The following ATXN2 variants were observed in gnomAD, a reference collection of about 807,000 sequenced individuals.
ATXN2 encodes the protein ataxin 2.
ATXN2 carries 37 observed loss-of-function variants against 138.6 expected under a neutral mutation model. The observed-to-expected ratio is 0.27, with a 90% CI of 0.21 to 0.35. ATXN2 has a LOEUF of 0.35. ATXN2 is among the 10% of genes least tolerant of loss of function. The pLI, the probability that ATXN2 is intolerant of heterozygous loss-of-function variation, is 1.00. For synonymous variants in ATXN2, 549 were observed against 543.7 expected, an observed-to-expected ratio of 1.01 and a Z score of -0.13; for missense variants, 1,216 against 1,480.3, an observed-to-expected ratio of 0.82 and a Z score of 2.93.
Position 111,546,654 on chromosome 12 carries a change from G to A in ATXN2, c.571+5626C>T, listed in dbSNP as rs892347484. Reference sequence around the variant, plus strand: ...CAGGAAGAGCAGAAAGAAAATGAAGGAAAAAAATAGAGGAGAAAGGAATAC... The same window carrying A: ...CAGGAAGAGCAGAAAGAAAATGAAGAAAAAAAATAGAGGAGAAAGGAATAC... On this transcript the variant is annotated intron_variant, in intron 5 of 24. Transcript: ENST00000673436. 4.0e-5 allele frequency among the ~76,000 whole-genome samples: 6 copies of A among 151,680 alleles called. No homozygotes were observed. In the South Asian group the frequency reaches 1.3e-3, roughly 32 times the overall value.
chr12:111,516,483 G>T lies in ATXN2; in HGVS notation c.1166-120C>A. On this transcript the variant is annotated intron_variant, in intron 9 of 24. Transcript: ENST00000673436. This position sits in a 1 kb window ranked among gnomAD's most constrained non-coding sequence, Gnocchi z 5.0. ...TTTCTTGTACATTTTAACCCTTTGA[G>T]GACAGTCATTTGATTTGTGATAAGT... The T allele has an allele frequency of 1.1e-6, 1 of 940,120 alleles. No individual in the cohort carries two copies. The highest frequency in any genetic ancestry group is 1.6e-6 in the Non-Finnish European group (1 of 637,758). 58.2% of individuals were successfully genotyped at this position (940,120 alleles called of 1,614,324 possible).
At chr12:111,556,265 G>A (rs978727767) in intron 1 of ATXN2, among the ~76,000 whole-genome samples, 7 of 152,128 alleles carry the variant, frequency 4.6e-5, no homozygotes, top group Non-Finnish European at 1.5e-5. Flanking sequence ...TCTAGTCCTA[G>A]CTACTCAGGA....
intron 1 of ATXN2, among the ~76,000 whole-genome samples, chr12:111,560,902 G>A (rs993582891): frequency 4.6e-5 from 7 of 152,164 alleles, no homozygotes; most frequent in Admixed American, 2.6e-4. Flanking sequence ...TTTTAAGAAC[G>A]AAAGAAAACC....
At chr12:111,554,762 T>C (rs535347989) in intron 2 of ATXN2, among the ~76,000 whole-genome samples, 175 of 152,320 alleles carry the variant, frequency 1.1e-3, no homozygotes, top group Non-Finnish European at 2.0e-3. Flanking sequence ...ATTAACTTGA[T>C]TGTGGTGGTA....
intron 5 of ATXN2, among the ~76,000 whole-genome samples, chr12:111,542,938 G>A (rs1185834194): frequency 6.6e-6 from 1 of 151,848 alleles, no homozygotes; most frequent in African/African-American, 2.4e-5. Context: ...AACATGATAG[G>A]GTAGAGAATT....
At chr12:111,561,028 A>G (rs976829200) in intron 1 of ATXN2, among the ~76,000 whole-genome samples, 1 of 151,266 alleles carries the variant, frequency 6.6e-6, no homozygotes, top group African/African-American at 2.4e-5. Flanking sequence ...AAAAATACAA[A>G]AACAAAATTA....
At chr12:111,484,895 T>C (rs1877526785) in intron 18 of ATXN2, among the ~76,000 whole-genome samples, 1 of 152,078 alleles carries the variant, frequency 6.6e-6, no homozygotes, top group Non-Finnish European at 1.5e-5. Context: ...CATGCCCAGC[T>C]AATTTTTTTG....
intron 5 of ATXN2, among the ~76,000 whole-genome samples, chr12:111,526,694 C>A (rs1218708692): frequency 1.3e-5 from 2 of 152,202 alleles, no homozygotes; most frequent in Non-Finnish European, 2.9e-5. Context: ...TGTGAGCAAC[C>A]ATGCCCGGCC....
At chr12:111,523,972 A>G (rs1566041905) in intron 6 of ATXN2, among the ~76,000 whole-genome samples, 1 of 152,186 alleles carries the variant, frequency 6.6e-6, no homozygotes, top group South Asian at 2.1e-4. Flanking sequence ...GCAAAAATAA[A>G]TTACTAGAGA....
chr12:111,554,426 T>C (rs1292028411), intron 2 of ATXN2, among the ~76,000 whole-genome samples: 2 of 152,208 alleles, frequency 1.3e-5, no homozygotes, highest in African/African-American at 4.8e-5. Context: ...TGTATTTACA[T>C]TTGCATATAA....
rs1884672088 is a variant in ATXN2 at position 111,591,704 on chromosome 12, TA to T, written c.251+7079del. ...CAAATATTGCTTTGGGCAAGTCCCC[TA>T]ATCTCTCAAAGCTTAGAGTTTTTGC... On this transcript the variant is annotated intron_variant, in intron 1 of 24. Coordinates refer to ENST00000673436, the MANE Select transcript of ATXN2 (RefSeq NM_001372574.1). Among the ~76,000 whole-genome samples, 8 of 152,330 alleles carry T rather than the reference TA, an allele frequency of 5.3e-5. No individual in the cohort carries two copies. The South Asian group carries it at 1.5e-3, about 28-fold the overall frequency.
chr12:111,485,880 A>G lies in ATXN2; in HGVS notation c.2305-15T>C. On this transcript the variant is annotated splice_polypyrimidine_tract_variant and intron_variant, in intron 16 of 24. Transcript: ENST00000673436. ...GAAGGCTTTGGCTACAAAAACAACA[A>G]TAAATTCAATTATCTCAAGGTAACA... 1 of 1,612,398 alleles carries G rather than the reference A, an allele frequency of 6.2e-7. No homozygotes were observed. The highest frequency in any genetic ancestry group is 8.5e-7 in the Non-Finnish European group (1 of 1,179,006).
intron 5 of ATXN2, among the ~76,000 whole-genome samples, chr12:111,538,398 T>C (rs1442807421): frequency 6.6e-6 from 1 of 152,078 alleles, no homozygotes; most frequent in Non-Finnish European, 1.5e-5. Context: ...CCTTTTTTTT[T>C]TTGAAACCAG....
At chr12:111,531,138 G>A (rs764968426) in intron 5 of ATXN2, among the ~76,000 whole-genome samples, 11 of 152,062 alleles carry the variant, frequency 7.2e-5, no homozygotes, top group Non-Finnish European at 1.6e-4. Context: ...CAACAGGCTG[G>A]GCACAGTGGC....
intron 14 of ATXN2, among the ~76,000 whole-genome samples, chr12:111,508,030 C>G (rs55913981): frequency 6.6e-6 from 1 of 152,124 alleles, no homozygotes; most frequent in African/African-American, 2.4e-5. Flanking sequence ...TGCGGAAGGC[C>G]GCAGGGTCCT....
At chr12:111,574,815 A>G (rs1471396092) in intron 1 of ATXN2, among the ~76,000 whole-genome samples, 2 of 152,210 alleles carry the variant, frequency 1.3e-5, no homozygotes, top group Non-Finnish European at 2.9e-5. Context: ...GTTGATTAAA[A>G]GAAACTATTA....
chr12:111,537,785 A>G (rs902238611), intron 5 of ATXN2, among the ~76,000 whole-genome samples: 14 of 152,048 alleles, frequency 9.2e-5, no homozygotes, highest in African/African-American at 3.4e-4. Context: ...TGATGGTTGC[A>G]CAATGCTGTG....
At chr12:111,554,613 C>T (rs748178218) in intron 2 of ATXN2, among the ~76,000 whole-genome samples, 2 of 151,924 alleles carry the variant, frequency 1.3e-5, no homozygotes, top group Non-Finnish European at 2.9e-5. Context: ...CTAAACATGA[C>T]ATAAAAAAGC....
chr12:111,560,753 C>T (rs372677166), intron 1 of ATXN2, among the ~76,000 whole-genome samples: 23 of 140,778 alleles, frequency 1.6e-4, no homozygotes, highest in African/African-American at 5.4e-4. Flanking sequence ...CAGTTTTCAA[C>T]AACAAAAAAA....
Sources: gnomAD v4.1 joint callset for allele counts (sites outside exome capture counted in the v4.1 genomes callset) on GRCh38, gnomAD v4.1.1 for gene constraint, Gnocchi (gnomAD v3.1) non-coding constraint, MANE v1.5 for transcripts, NCBI Gene and HGNC (gene_info 2026-07-23, HGNC 2026-07-21) for gene names.